The following PRKACA variants were observed in gnomAD, a reference collection of about 807,000 sequenced individuals.
PRKACA encodes the protein protein kinase cAMP-activated catalytic subunit alpha, also known as cAMP-dependent protein kinase catalytic subunit alpha.
PRKACA carries 9 observed loss-of-function variants against 45.8 expected under a neutral mutation model. That is an observed-to-expected ratio of 0.20 (90% CI 0.12 to 0.34). The LOEUF is 0.34. Among genes scored for constraint, PRKACA ranks in the 10% least tolerant of loss-of-function variants. The probability of loss-of-function intolerance (pLI) is 1.00; values close to 1 mark genes in which losing one functional copy is unlikely to be tolerated. For missense variants in PRKACA, 238 were observed against 458.6 expected, an observed-to-expected ratio of 0.52 and a Z score of 4.39; for synonymous variants, 160 against 178.6, an observed-to-expected ratio of 0.90 and a Z score of 0.83.
chr19:14,108,677 T>C (rs946497844), intron 1 of PRKACA, among the ~76,000 whole-genome samples: 1 of 152,108 alleles, frequency 6.6e-6, no homozygotes, highest in East Asian at 1.9e-4. Flanking sequence ...CCCAAAGTGC[T>C]GGGATTACAG....
chr19:14,094,888 AAGTC>A (rs1977199623), intron 8 of PRKACA, among the ~76,000 whole-genome samples: 1 of 152,212 alleles, frequency 6.6e-6, no homozygotes, highest in African/African-American at 2.4e-5. Context: ...CCTTGTATGC[AAGTC>A]ATCACTGGAG....
Position 14,092,787 on chromosome 19 carries a change from C to T in PRKACA, c.*325G>A. The T allele has an allele frequency of 4.5e-6, 2 of 444,454 alleles. No homozygotes were observed. Among genetic ancestry groups the T allele is most frequent in the Non-Finnish European group, 8.0e-6 (2 of 251,396 alleles). The allele number at this position is 444,454 out of a possible 1,614,324, so 27.5% of individuals were successfully genotyped here. On this transcript the variant is annotated 3_prime_UTR_variant, in exon 10 of 10. Transcript: ENST00000308677. ...CTGTCCCTGGATACACCAGCAAGAC[C>T]TGGTCTGACTGGAGTTGAGAAACTC...
At chr19:14,113,184 C>T (rs1373638040) in intron 1 of PRKACA, among the ~76,000 whole-genome samples, 1 of 152,074 alleles carries the variant, frequency 6.6e-6, no homozygotes, top group Non-Finnish European at 1.5e-5. Context: ...AAAGTCCAAA[C>T]CGGAAACGAG....
At position 14,107,813 on chromosome 19, in the gene PRKACA, G is replaced by A. The variant is rs1039876737; in HGVS notation, c.47-404C>T. 25 of 999,178 alleles carry A rather than the reference G, an allele frequency of 2.5e-5. No homozygotes were observed. Among genetic ancestry groups the A allele is most frequent in the Admixed American group, 1.1e-4 (2 of 18,012 alleles). 61.9% of individuals were successfully genotyped at this position (999,178 alleles called of 1,614,324 possible). A position where few individuals can be genotyped will look rare whatever the true frequency, so the allele number is the denominator to read the frequency against. On this transcript the variant is annotated intron_variant, in intron 1 of 9. Transcript: ENST00000308677. ...CTGGGGAGGCCGGGCCTGGGATGGA[G>A]GCCTCGGGGGCTCGGGTAGCAGGTG... is the stretch of plus-strand genomic sequence containing the variant.
In PRKACA at chr19:14,107,496, A is replaced by T. The variant is rs1450286361; in HGVS notation, c.47-87T>A. 13 of 1,485,110 alleles carry T rather than the reference A, an allele frequency of 8.8e-6. No homozygotes were observed. The East Asian group carries it at 3.0e-4, about 34-fold the overall frequency. The allele number at this position is 1,485,110 out of a possible 1,614,324, so 92.0% of individuals were successfully genotyped here. ...GATTTCTGGGGAGATACTTGGTGGA[A>T]AGTGGGGTGCAGTTCCAACCCAGAG... On this transcript the variant is annotated intron_variant, in intron 1 of 9. Coordinates refer to ENST00000308677, the MANE Select transcript of PRKACA (RefSeq NM_002730.4).
chr19:14,093,673 G>C lies in PRKACA; in HGVS notation c.885C>G (p.His295Gln). 1 of 1,614,184 alleles carries C rather than the reference G, an allele frequency of 6.2e-7. No homozygotes were observed. Among genetic ancestry groups the C allele is most frequent in the Non-Finnish European group, 8.5e-7 (1 of 1,180,028 alleles). Residue 295 changes from histidine (H) to glutamine (Q), a missense_variant, in exon 9 of 10, where the codon CAC becomes CAG. Transcript: ENST00000308677. The part of the protein sequence containing the change: ...LKNGVNDIKN[H>Q]KWFATTDWIA... Reference sequence around the variant, plus strand: ...TCCAGTCAGTTGTGGCAAACCACTTGTGGTTCTTGATATCGTTGACCCCAT... The same window carrying C: ...TCCAGTCAGTTGTGGCAAACCACTTCTGGTTCTTGATATCGTTGACCCCAT...
At chr19:14,104,741 C>G (rs1029343700) in intron 3 of PRKACA, among the ~76,000 whole-genome samples, 1 of 150,180 alleles carries the variant, frequency 6.7e-6, no homozygotes, top group Non-Finnish European at 1.5e-5. Context: ...GGCGTGGTAG[C>G]CGGCGCCTGT....
At chr19:14,107,928 A>G in intron 1 of PRKACA, 1 of 987,146 alleles carries the variant, frequency 1.0e-6, no homozygotes, top group Non-Finnish European at 1.2e-6. Context: ...GAGCTGGTTC[A>G]AGGGAAGTCT....
chr19:14,102,722 C>T lies in PRKACA; in HGVS notation c.336+94G>A, dbSNP rs41296282. The T allele has an allele frequency of 5.3e-4, 545 of 1,023,414 alleles. 2 individuals carry two copies. The African/African-American group carries it at 6.4e-3, about 12-fold the overall frequency. 63.4% of individuals were successfully genotyped at this position (1,023,414 alleles called of 1,614,324 possible). On this transcript the variant is annotated intron_variant, in intron 4 of 9. Transcript: ENST00000308677. ...CTTGTTCTTCCACAAAAGAGAGCAGCCACTGATTGTCCTCAGCTCCGACCC... is the reference window on the plus strand; with the variant it reads ...CTTGTTCTTCCACAAAAGAGAGCAGTCACTGATTGTCCTCAGCTCCGACCC...
rs1165961823 is a variant in PRKACA, at chr19:14,097,505, C to G, written c.643-22G>C. The G allele has an allele frequency of 6.2e-7, 1 of 1,613,894 alleles. No individual in the cohort carries two copies. Among genetic ancestry groups the G allele is most frequent in the Non-Finnish European group, 8.5e-7 (1 of 1,179,928 alleles). Reference sequence around the variant, plus strand: ...AGCCCTGGAGCAAGATGGGGGGGCACAGGGTGAGGAGGAGGCGAGAGCAGG... The same window carrying G: ...AGCCCTGGAGCAAGATGGGGGGGCAGAGGGTGAGGAGGAGGCGAGAGCAGG... On this transcript the variant is annotated intron_variant, in intron 7 of 9. Coordinates refer to ENST00000308677, the MANE Select transcript of PRKACA (RefSeq NM_002730.4). The surrounding 1 kb of genome is among the most constrained non-coding windows in gnomAD (Gnocchi z 5.4).
At chr19:14,107,590 G>A in intron 1 of PRKACA, 181 bp from the exon 2 acceptor site, 2 of 1,297,574 alleles carry the variant, frequency 1.5e-6, no homozygotes, top group Non-Finnish European at 2.1e-6. Flanking sequence ...GCTACAGAGA[G>A]GTGGGATCCA....
intron 1 of PRKACA, among the ~76,000 whole-genome samples, chr19:14,109,164 T>C (rs921030991): frequency 6.6e-6 from 1 of 151,140 alleles, no homozygotes; most frequent in South Asian, 2.1e-4. Flanking sequence ...CTGGCCAACA[T>C]GGCGAAACCC....
intron 5 of PRKACA, chr19:14,098,488 A>T (rs13345214): frequency 0.41 from 60,469 of 146,556 alleles, 13,071 homozygotes; most frequent in African/African-American, 0.58. Flanking sequence ...ATATATATAT[A>T]TTTTTTTTTG....
chr19:14,109,999 T>TACACACACACACACACAC (rs764855462), intron 1 of PRKACA, among the ~76,000 whole-genome samples: 4 of 55,472 alleles, frequency 7.2e-5, no homozygotes, highest in African/African-American at 4.1e-4. Context: ...TATATATATA[T>TACACACACACACACACAC]ACACACACAC....
chr19:14,100,999 A>G, intron 4 of PRKACA, 91 bp from the exon 5 acceptor site: 3 of 1,117,950 alleles, frequency 2.7e-6, no homozygotes, highest in Non-Finnish European at 2.7e-6. Context: ...GTGTTCAAAC[A>G]TTAAATGACA....
At chr19:14,104,438 T>C (rs534355053) in intron 3 of PRKACA, among the ~76,000 whole-genome samples, 105 of 151,020 alleles carry the variant, frequency 7.0e-4, no homozygotes, top group Admixed American at 1.3e-3. Flanking sequence ...GGCTCACGCC[T>C]GTAATCCCAG....
At chr19:14,098,538 C>G (rs1977339365) in intron 5 of PRKACA, 1 of 151,272 alleles carries the variant, frequency 6.6e-6, no homozygotes, top group Non-Finnish European at 1.5e-5. Context: ...CTCTCTTGCC[C>G]AGGCTGGAGT....
chr19:14,107,508 G>A, intron 1 of PRKACA, 99 bp from the exon 2 acceptor site: 1 of 1,426,244 alleles, frequency 7.0e-7, no homozygotes, highest in Non-Finnish European at 9.7e-7. Context: ...GTGGGGTGCA[G>A]TTCCAACCCA....
At chr19:14,109,368 G>C (rs760692633) in intron 1 of PRKACA, among the ~76,000 whole-genome samples, 1 of 151,522 alleles carries the variant, frequency 6.6e-6, no homozygotes, top group Non-Finnish European at 1.5e-5. Context: ...GAATCGCTTC[G>C]ACCCGGGAGG....
Sources: gnomAD v4.1 joint callset for allele counts (sites outside exome capture counted in the v4.1 genomes callset) on GRCh38, gnomAD v4.1.1 for gene constraint, Gnocchi (gnomAD v3.1) non-coding constraint, MANE v1.5 for transcripts, NCBI Gene and HGNC (gene_info 2026-07-23, HGNC 2026-07-21) for gene names.